PABIR3: variants seen among roughly 807,000 people sequenced by gnomAD.
PABIR3 encodes the protein PABIR family member 1.
PABIR3 carries 20 observed loss-of-function variants against 23.1 expected under a neutral mutation model. That is an observed-to-expected ratio of 0.86 (90% confidence interval 0.61 to 1.26). The LOEUF is 1.26. Ranked by LOEUF, PABIR3 falls within the 50% of genes most tolerant of loss-of-function variation. The pLI is 0.00. For synonymous variants in PABIR3, 69 were observed against 68.5 expected (o/e 1.01, Z -0.04); for missense variants, 189 against 195.4 (o/e 0.97, Z 0.20).
upstream of PABIR3, among the ~76,000 whole-genome samples, chrX:134,803,012 A>G (rs188521471): frequency 9.0e-3 from 1,009 of 112,532 alleles, 5 homozygotes; most frequent in Middle Eastern, 0.023. Flanking sequence ...GAGGAAAGGG[A>G]GAAAGTAGGG....
chrX:134,797,898 T>C (rs1476917860), intron 1 of PABIR3, among the ~76,000 whole-genome samples: 1 of 108,394 alleles, frequency 9.2e-6, no homozygotes, highest in Non-Finnish European at 1.9e-5. Flanking sequence ...CTGCAACCTC[T>C]GCCCCACCCC....
the PABIR3 span, among the ~76,000 whole-genome samples, chrX:134,861,784 A>G: frequency 9.0e-6 from 1 of 111,517 alleles, no homozygotes; most frequent in Admixed American, 9.6e-5. Flanking sequence ...GAAGAATTGA[A>G]GAGGAAGTCC....
At chrX:134,851,316 A>T (rs1449254219) in intron 9 of PABIR3, among the ~76,000 whole-genome samples, 1 of 110,928 alleles carries the variant, frequency 9.0e-6, no homozygotes, top group East Asian at 2.8e-4. Flanking sequence ...CGGGCGGATG[A>T]CTTGAGGTCA....
At chrX:134,821,337 C>A (rs1270716903) in intron 3 of PABIR3, 1 of 1,143,356 alleles carries the variant, frequency 8.7e-7, no homozygotes, top group South Asian at 1.9e-5. Context: ...GAAATTACTT[C>A]ACCCACTTCT....
At chrX:134,821,396 T>C (rs2081289797) in intron 3 of PABIR3, 20 of 1,155,747 alleles carry the variant, frequency 1.7e-5, no homozygotes, top group Non-Finnish European at 2.2e-5. Flanking sequence ...CTATGCCTTC[T>C]CCCAAATCGC....
chrX:134,803,545 C>T (rs948973154), upstream of PABIR3, among the ~76,000 whole-genome samples: 1 of 112,501 alleles, frequency 8.9e-6, no homozygotes, highest in African/African-American at 3.2e-5. Context: ...TTTTATTCCT[C>T]ACTGTTTATG....
intron 4 of PABIR3, among the ~76,000 whole-genome samples, chrX:134,830,507 A>C (rs913757058): frequency 9.3e-6 from 1 of 107,270 alleles, no homozygotes. Context: ...TAATTTTTGT[A>C]TTTTTAGTAG....
chrX:134,813,508 A>G (rs2080792777), intron 2 of PABIR3, among the ~76,000 whole-genome samples: 1 of 112,546 alleles, frequency 8.9e-6, no homozygotes, highest in Non-Finnish European at 1.9e-5. Flanking sequence ...AGGCAGCTAA[A>G]ACAAAAGTAT....
chrX:134,837,244 G>A (rs753615553), intron 4 of PABIR3, among the ~76,000 whole-genome samples: 1 of 110,337 alleles, frequency 9.1e-6, no homozygotes, highest in South Asian at 3.9e-4. Context: ...TACTCGGGAG[G>A]CTGAGGCAGG....
chrX:134,848,445 A>G (rs1389294781), intron 8 of PABIR3, among the ~76,000 whole-genome samples: 1 of 111,519 alleles, frequency 9.0e-6, no homozygotes, highest in Non-Finnish European at 1.9e-5. Flanking sequence ...TGAAAAAGTC[A>G]GGTGACTAAG....
In PABIR3 at chrX:134,845,408, T is replaced by C. The variant is rs780529023; in HGVS notation, c.345+7T>C. The C allele has an allele frequency of 1.0e-5, 12 of 1,180,237 alleles. No homozygotes were observed. The Admixed American group carries it at 2.7e-4, about 26-fold the overall frequency. ...GGAAGAAGGCTTGAAACTGGTATGA[T>C]ATTATAACTTCAGTTTTGTAGAAAA... On this transcript the variant is annotated splice_region_variant and intron_variant, in intron 6 of 10. Coordinates refer to ENST00000645433, the MANE Select transcript of PABIR3 (RefSeq NM_001388447.1).
downstream of PABIR3, among the ~76,000 whole-genome samples, chrX:134,857,936 T>C (rs2082757487): frequency 9.0e-6 from 1 of 111,649 alleles, no homozygotes; most frequent in Non-Finnish European, 1.9e-5. Flanking sequence ...CTAAAACTTT[T>C]ATGATATATG....
chrX:134,861,720 A>G, the PABIR3 span, among the ~76,000 whole-genome samples: 3 of 108,561 alleles, frequency 2.8e-5, no homozygotes, highest in African/African-American at 1.0e-4. Flanking sequence ...AAAGGCAAAA[A>G]CCGCAATTAC....
intron 3 of PABIR3, among the ~76,000 whole-genome samples, chrX:134,820,344 A>G (rs748300581): frequency 2.8e-4 from 31 of 112,068 alleles, no homozygotes; most frequent in Admixed American, 2.7e-3. Context: ...ATTATTCTTG[A>G]AAAAATACAA....
chrX:134,826,283 C>T (rs2081503590), intron 3 of PABIR3, among the ~76,000 whole-genome samples: 1 of 111,671 alleles, frequency 9.0e-6, no homozygotes, highest in Non-Finnish European at 1.9e-5. Flanking sequence ...TTTTCTGTTG[C>T]TTATGCTGGC....
At chrX:134,842,071 TAATGACAAATGATGTTGAGCATCTTTTCA>T (rs1486013176) in intron 4 of PABIR3, among the ~76,000 whole-genome samples, 33 of 111,554 alleles carry the variant, frequency 3.0e-4, no homozygotes, top group Non-Finnish European at 5.5e-4. Context: ...TGCATTTCCA[TAATGACAAATGATGTTGAGCATCTTTTCA>T]TGTGCTTTTT....
intron 3 of PABIR3, chrX:134,821,881 T>C (rs763778507): frequency 6.0e-5 from 46 of 765,228 alleles, no homozygotes; most frequent in Non-Finnish European, 6.8e-5. Context: ...CTCTAGTTAC[T>C]ATAGTAGGAA....
intron 1 of PABIR3, among the ~76,000 whole-genome samples, chrX:134,800,926 A>C (rs2080051089): frequency 8.9e-6 from 1 of 112,613 alleles, no homozygotes; most frequent in Admixed American, 9.4e-5. Flanking sequence ...ATTTCAAGAC[A>C]GGAAATAAGA....
At chrX:134,802,260 T>A (rs2080087172), upstream of PABIR3, among the ~76,000 whole-genome samples, 1 of 110,995 alleles carries the variant, frequency 9.0e-6, no homozygotes, top group South Asian at 3.8e-4. Flanking sequence ...ATTTTTTGTA[T>A]TTTTAGTAGA....
Sources: gnomAD v4.1 joint callset for allele counts (sites outside exome capture counted in the v4.1 genomes callset) on GRCh38, gnomAD v4.1.1 for gene constraint, MANE v1.5 for transcripts, NCBI Gene and HGNC (gene_info 2026-07-23, HGNC 2026-07-21) for gene names.